SYNDIG1L: variants seen among roughly 807,000 people sequenced by gnomAD.
SYNDIG1L encodes the protein synapse differentiation-inducing gene protein 1-like.
SYNDIG1L carries 13 observed loss-of-function variants against 20.1 expected under a neutral mutation model. The observed-to-expected ratio is 0.65, with a 90% CI of 0.42 to 1.03. The LOEUF (loss-of-function observed/expected upper bound fraction) is 1.03. Ranked by LOEUF, SYNDIG1L falls within the 50% of genes least tolerant of loss-of-function variation. The pLI, the probability that SYNDIG1L is intolerant of heterozygous loss-of-function variation, is 0.00. For missense variants in SYNDIG1L, 294 were observed against 305.1 expected (o/e 0.96, Z 0.27); for synonymous variants, 128 against 129.3 (o/e 0.99, Z 0.07).
chr14:74,435,082 C>CAAAAAAA, the SYNDIG1L span, among the ~76,000 whole-genome samples: 2 of 54,972 alleles, frequency 3.6e-5, no homozygotes, highest in African/African-American at 7.1e-5. Flanking sequence ...GACTCCGTCT[C>CAAAAAAA]AAAAAAAAAA....
At chr14:74,432,879 G>A in the SYNDIG1L span, among the ~76,000 whole-genome samples, 1 of 151,842 alleles carries the variant, frequency 6.6e-6, no homozygotes, top group African/African-American at 2.4e-5. Flanking sequence ...CAGAAGGAGA[G>A]ATGGATGGAC....
the SYNDIG1L span, among the ~76,000 whole-genome samples, chr14:74,456,178 T>A: frequency 2.6e-5 from 4 of 152,274 alleles, no homozygotes; most frequent in South Asian, 8.3e-4. Flanking sequence ...GATGGTCTCA[T>A]CCCCTCTCTG....
the SYNDIG1L span, chr14:74,476,438 G>T: frequency 8.8e-7 from 1 of 1,142,194 alleles, no homozygotes; most frequent in African/African-American, 1.5e-5. Flanking sequence ...CTAGAAGGGA[G>T]CCGTCCTTCT....
At chr14:74,468,965 G>T in the SYNDIG1L span, among the ~76,000 whole-genome samples, 1 of 152,166 alleles carries the variant, frequency 6.6e-6, no homozygotes, top group Non-Finnish European at 1.5e-5. Flanking sequence ...GTCTATGACA[G>T]GATTGGTATC....
rs1159188068 is a variant in SYNDIG1L at position 74,407,669 on chromosome 14, C to A, written c.583G>T (p.Asp195Tyr). 6.2e-7 allele frequency: 1 copy of A among 1,610,828 alleles called. No homozygotes were observed. The highest frequency in any genetic ancestry group is 8.5e-7 in the Non-Finnish European group (1 of 1,178,348). The stretch of plus-strand genomic sequence containing the variant: ...GAGGTGGTGCTGGCCAGGCGGAAGT[C>A]CCCTTTGGAGATGGCCTTGCTGGTC... ...QGTSKAISKG[D>Y]FRLASTTSRR... The change falls in exon 4 of 4, where the codon GAC (aspartate) becomes TAC (tyrosine). Residue 195 changes from aspartate to tyrosine, a missense_variant. By Grantham distance (160) the Asp-to-Tyr change is radical (BLOSUM62 -3). Transcript: ENST00000331628.
In SYNDIG1L at chr14:74,407,820, G is replaced by A. The variant is rs2139618776; in HGVS notation, c.558+29C>T. 2.5e-6 allele frequency: 4 copies of A among 1,600,644 alleles called. No individual in the cohort carries two copies. The East Asian group carries it at 8.9e-5, about 36-fold the overall frequency. ...CCCTCCAGTAGAGTGACGGGCCAGA[G>A]AAGGGACCTGGGCCCCAGGTGCTCT... On this transcript the variant is annotated intron_variant, in intron 3 of 3. Transcript: ENST00000331628.
the SYNDIG1L span, among the ~76,000 whole-genome samples, chr14:74,458,514 C>T: frequency 2.0e-5 from 3 of 150,574 alleles, no homozygotes; most frequent in Non-Finnish European, 2.9e-5. Context: ...CCCAGCTACT[C>T]GGGAGGCTGA....
At chr14:74,479,226 T>A in the SYNDIG1L span, 2 of 152,236 alleles carry the variant, frequency 1.3e-5, no homozygotes, top group Non-Finnish European at 2.9e-5. Context: ...TGTCCCCTGG[T>A]GGTTTTCCTG....
the SYNDIG1L span, among the ~76,000 whole-genome samples, chr14:74,432,715 G>A: frequency 6.6e-6 from 1 of 152,196 alleles, no homozygotes; most frequent in African/African-American, 2.4e-5. Context: ...AGTTAGCTGG[G>A]TGTGGTGGCA....
At chr14:74,432,065 G>A in the SYNDIG1L span, among the ~76,000 whole-genome samples, 2 of 151,732 alleles carry the variant, frequency 1.3e-5, no homozygotes, top group African/African-American at 4.8e-5. Flanking sequence ...GAGAGAAGGG[G>A]AAACACTCAG....
At chr14:74,476,412 T>C in the SYNDIG1L span, 3 of 890,698 alleles carry the variant, frequency 3.4e-6, no homozygotes, top group African/African-American at 5.0e-5. Flanking sequence ...ACATATGATT[T>C]GTGGAGGACG....
In SYNDIG1L at chr14:74,423,559, C is replaced by T. The variant is rs372780309; in HGVS notation, c.-58+2353G>A. Among the ~76,000 whole-genome samples the T allele has an allele frequency of 1.2e-4, 18 of 152,218 alleles. No individual in the cohort carries two copies. In the East Asian group the frequency reaches 2.1e-3, roughly 18 times the overall value. ...CTGGCTGGGCACTCACAGAATAATT[C>T]GGCGAGGTCACTGGCATGGTTTACT... On this transcript the variant is annotated intron_variant, in intron 1 of 3. Transcript: ENST00000331628.
At chr14:74,420,116 G>A (rs1244087239) in intron 1 of SYNDIG1L, among the ~76,000 whole-genome samples, 1 of 152,032 alleles carries the variant, frequency 6.6e-6, no homozygotes, top group Non-Finnish European at 1.5e-5. Flanking sequence ...CAGGCAGAAG[G>A]CCAGGCACGG....
the SYNDIG1L span, among the ~76,000 whole-genome samples, chr14:74,475,554 G>A: frequency 2.6e-4 from 40 of 151,892 alleles, 1 homozygote; most frequent in Middle Eastern, 3.4e-3. Flanking sequence ...AGCAGTCCAA[G>A]TTCTAGTGGC....
At chr14:74,472,768 G>A in the SYNDIG1L span, among the ~76,000 whole-genome samples, 1 of 152,144 alleles carries the variant, frequency 6.6e-6, no homozygotes, top group Non-Finnish European at 1.5e-5. Context: ...GGGGTTGTGG[G>A]GCAGCATTTC....
At chr14:74,422,720 T>C (rs7154033) in intron 1 of SYNDIG1L, among the ~76,000 whole-genome samples, 11,455 of 146,546 alleles carry the variant, frequency 0.078, 784 homozygotes, top group African/African-American at 0.17. Context: ...CTTTCTCTCT[T>C]TTTTTTTTTT....
chr14:74,426,151 C>CCCGCCG lies in SYNDIG1L; in HGVS notation c.-303_-298dup, dbSNP rs891792774. 11 of 148,794 alleles carry CCCGCCG rather than the reference C, an allele frequency of 7.4e-5. No homozygotes were observed. Among genetic ancestry groups the CCCGCCG allele is most frequent in the East Asian group, 1.9e-4 (1 of 5,134 alleles). 9.2% of individuals were successfully genotyped at this position (148,794 alleles called of 1,614,324 possible). ...CGGGAGCCCCGCATCCTGGCCGGGC[C>CCCGCCG]CCGCCGCCGCCGCCGCCGCGCAGCC... On this transcript the variant is annotated 5_prime_UTR_variant, in exon 1 of 4. Transcript: ENST00000331628.
chr14:74,446,365 T>C, the SYNDIG1L span, among the ~76,000 whole-genome samples: 1 of 152,060 alleles, frequency 6.6e-6, no homozygotes. Flanking sequence ...AAAAAATTAA[T>C]GATAGAGAAT....
rs375667045 is a variant in SYNDIG1L at position 74,409,592 on chromosome 14, G to A, written c.153C>T (p.Ala51=). 4 of 1,507,160 alleles carry A rather than the reference G, an allele frequency of 2.7e-6. No individual in the cohort carries two copies. The South Asian group carries it at 4.1e-5, about 15-fold the overall frequency. 93.4% of individuals were successfully genotyped at this position (1,507,160 alleles called of 1,614,324 possible). A position where few individuals can be genotyped will look rare whatever the true frequency, so the allele number is the denominator to read the frequency against. The change falls in exon 2 of 4, where the codon GCC becomes GCT. Residue 51 remains alanine, a synonymous_variant. Coordinates refer to ENST00000331628, the MANE Select transcript of SYNDIG1L (RefSeq NM_001105579.2). ...GGGACCCTGGGTCCAGGAGCTGGTG[G>A]GCTCCGGCAGGCCCAGCGCCACCTA... ...YLLGGAGPAG[A]HQLLDPGSLQ... is the part of the protein sequence containing the mutation.
Sources: allele counts gnomAD v4.1 joint callset (sites outside exome capture counted in the v4.1 genomes callset), GRCh38; gene constraint gnomAD v4.1.1; transcripts MANE v1.5; gene names NCBI Gene and HGNC (gene_info 2026-07-23, HGNC 2026-07-21).